RBFOX1: variants seen among roughly 807,000 people sequenced by gnomAD.
RBFOX1 encodes the protein RNA binding fox-1 homolog 1.
Under a neutral mutation model 57.7 loss-of-function variants are expected in RBFOX1, and 8 were observed. The ratio of observed to expected loss-of-function variants is 0.14; its 90% confidence interval spans 0.08 to 0.25. RBFOX1 has a LOEUF of 0.25. Among genes scored for constraint, RBFOX1 ranks in the 10% least tolerant of loss-of-function variants. The pLI, the probability that RBFOX1 is intolerant of heterozygous loss-of-function variation, is 1.00. For missense variants in RBFOX1, 611 were observed against 548.5 expected (o/e 1.11, Z -1.14); for synonymous variants, 326 against 222.4 (o/e 1.47, Z -4.15).
At chr16:5,807,968 A>C (rs1241735310) in intron 3 of RBFOX1, among the ~76,000 whole-genome samples, 1 of 152,074 alleles carries the variant, frequency 6.6e-6, no homozygotes, top group Non-Finnish European at 1.5e-5. Context: ...CATTTCTTTC[A>C]ATTTCCTCCT....
chr16:7,388,669 T>C lies in RBFOX1; in HGVS notation c.28-129478T>C, dbSNP rs181810548. 0.011 allele frequency among the ~76,000 whole-genome samples: 1,086 copies of C among 99,042 alleles called. 30 individuals are homozygous for C. The East Asian group carries it at 0.13, about 11-fold the overall frequency. The allele number at this position is 99,042 out of a possible 152,430, so 65.0% of individuals were successfully genotyped here. A position where few individuals can be genotyped will look rare whatever the true frequency, so the allele number is the denominator to read the frequency against. On this transcript the variant is annotated intron_variant, in intron 4 of 15. Coordinates refer to ENST00000550418, the MANE Select transcript of RBFOX1 (RefSeq NM_018723.4). ...CTTTTTTTTTTTTTTTTTTTTTTTT[T>C]GACATTATGAATGACGTGAAACCTT...
intron 2 of RBFOX1, 32 bp downstream of exon 2, chr16:6,317,089 A>T (rs1160494949): frequency 6.6e-7 from 1 of 1,504,206 alleles, no homozygotes. Flanking sequence ...CATTCATTCC[A>T]TAAATACATC....
chr16:5,289,199 A>G (rs746666051), intron 1 of RBFOX1: 3 of 312,822 alleles, frequency 9.6e-6, no homozygotes, highest in Non-Finnish European at 1.9e-5. Flanking sequence ...CTCTATCCTT[A>G]TCTGTCTGGT....
intron 3 of RBFOX1, among the ~76,000 whole-genome samples, chr16:6,973,128 T>C (rs1482640213): frequency 6.6e-6 from 1 of 151,634 alleles, no homozygotes; most frequent in Admixed American, 6.6e-5. Context: ...AAGACTCCAT[T>C]GTCTAAATAA....
chr16:5,796,985 A>G (rs921810642), intron 3 of RBFOX1, among the ~76,000 whole-genome samples: 1 of 152,222 alleles, frequency 6.6e-6, no homozygotes, highest in African/African-American at 2.4e-5. Context: ...CCTGTGCAGG[A>G]GAACTACAGA....
At chr16:6,986,589 G>A (rs1328775049) in intron 3 of RBFOX1, among the ~76,000 whole-genome samples, 1 of 152,154 alleles carries the variant, frequency 6.6e-6, no homozygotes, top group Admixed American at 6.5e-5. Flanking sequence ...CCTGGGCCTG[G>A]CCCAGAATCA....
At chr16:5,897,514 C>T (rs1031287808) in intron 4 of RBFOX1, among the ~76,000 whole-genome samples, 1 of 152,186 alleles carries the variant, frequency 6.6e-6, no homozygotes, top group African/African-American at 2.4e-5. Flanking sequence ...GGCTTTGAAT[C>T]TGCAAGATCA....
chr16:6,667,805 C>T (rs895650399), intron 3 of RBFOX1, among the ~76,000 whole-genome samples: 2 of 151,994 alleles, frequency 1.3e-5, no homozygotes, highest in Non-Finnish European at 1.5e-5. Context: ...AGAAGGATCT[C>T]TGGAGCCCAG....
At chr16:5,607,049 A>G (rs924840339) in intron 3 of RBFOX1, among the ~76,000 whole-genome samples, 1 of 152,172 alleles carries the variant, frequency 6.6e-6, no homozygotes, top group Non-Finnish European at 1.5e-5. Context: ...CTGGCTTAGG[A>G]GGCTGGGAGG....
At chr16:7,444,062 G>A (rs1284802486) in intron 4 of RBFOX1, among the ~76,000 whole-genome samples, 1 of 152,150 alleles carries the variant, frequency 6.6e-6, no homozygotes, top group African/African-American at 2.4e-5. Context: ...TAATATACAT[G>A]GAAGTTAAAC....
At chr16:5,802,062 C>T (rs771130608) in intron 3 of RBFOX1, among the ~76,000 whole-genome samples, 14 of 152,030 alleles carry the variant, frequency 9.2e-5, no homozygotes, top group Non-Finnish European at 1.8e-4. Context: ...AAATCTGATT[C>T]GCAGGTTCCT....
chr16:7,504,559 T>G (rs1364031404), intron 4 of RBFOX1, among the ~76,000 whole-genome samples: 1 of 149,468 alleles, frequency 6.7e-6, no homozygotes, highest in Non-Finnish European at 1.5e-5. Flanking sequence ...CAATTATAGA[T>G]AAAGGAAAGG....
At chr16:6,203,279 G>A (rs539913298) in intron 1 of RBFOX1, among the ~76,000 whole-genome samples, 7 of 152,216 alleles carry the variant, frequency 4.6e-5, no homozygotes, top group African/African-American at 1.4e-4. Context: ...TGGCAACCAC[G>A]GTTGTACTTT....
chr16:6,364,205 G>A (rs917309575), intron 2 of RBFOX1, among the ~76,000 whole-genome samples: 3 of 152,196 alleles, frequency 2.0e-5, no homozygotes, highest in Admixed American at 1.3e-4. Flanking sequence ...TGCATGCTTC[G>A]AAGATGCTGG....
At chr16:5,686,112 G>C (rs2050497277) in intron 3 of RBFOX1, among the ~76,000 whole-genome samples, 2 of 152,172 alleles carry the variant, frequency 1.3e-5, no homozygotes, top group African/African-American at 4.8e-5. Context: ...AAAGAAGATG[G>C]AGACTGGTAT....
chr16:6,428,434 G>C (rs1009695576), intron 2 of RBFOX1, among the ~76,000 whole-genome samples: 3 of 152,092 alleles, frequency 2.0e-5, no homozygotes, highest in South Asian at 4.2e-4. Context: ...TAATGTATGT[G>C]TATGTAGTTT....
chr16:5,939,695 A>AT (rs200272777), intron 4 of RBFOX1, among the ~76,000 whole-genome samples: 4 of 151,932 alleles, frequency 2.6e-5, no homozygotes, highest in African/African-American at 7.2e-5. Context: ...TGGTGGCTCC[A>AT]TTTTTTAAAA....
chr16:7,691,725 A>G (rs2077383327), intron 14 of RBFOX1, among the ~76,000 whole-genome samples: 1 of 150,512 alleles, frequency 6.6e-6, no homozygotes, highest in Admixed American at 6.6e-5. Flanking sequence ...CACATTGGAC[A>G]GTTCCTTAGG....
chr16:5,886,717 G>T, intron 4 of RBFOX1, among the ~76,000 whole-genome samples: 1 of 152,266 alleles, frequency 6.6e-6, no homozygotes, highest in South Asian at 2.1e-4. Context: ...GGGAAACCCT[G>T]TCTCTACTTA....
Sources: allele counts gnomAD v4.1 joint callset (sites outside exome capture counted in the v4.1 genomes callset), GRCh38; gene constraint gnomAD v4.1.1; transcripts MANE v1.5; gene names NCBI Gene and HGNC (gene_info 2026-07-23, HGNC 2026-07-21).